Variants in CHST11 observed in about 807,000 individuals in gnomAD.
The protein encoded by CHST11 is carbohydrate sulfotransferase 11.
A neutral mutation model predicts 30.4 loss-of-function variants in CHST11; 9 were observed. That is an observed-to-expected ratio of 0.30 (90% CI 0.18 to 0.52). CHST11 has a LOEUF of 0.52. Among genes scored for constraint, CHST11 ranks in the 20% least tolerant of loss-of-function variants. CHST11 has a pLI of 0.97. For missense variants in CHST11, 348 were observed against 460.6 expected (o/e 0.76, Z 2.24); for synonymous variants, 152 against 187.8 (o/e 0.81, Z 1.56).
chr12:104,704,730 TGGCCTTTGGAGGCCTCAGAACCCC>T (rs757024789), intron 2 of CHST11, among the ~76,000 whole-genome samples: 129 of 152,214 alleles, frequency 8.5e-4, no homozygotes, highest in Non-Finnish European at 1.5e-3. Flanking sequence ...CCCAGAACCC[TGGCCTTTGGAGGCCTCAGAACCCC>T]GGCCTTTGGA....
rs199741884 is a variant in CHST11, at chr12:104,544,769, T to TC, written c.119-57131dup. ...CAATGATGTGCCCTGGGGGTCACAGTCCCCCCACCCCGGAGATAATGGATT... is the reference window on the plus strand; with the variant it reads ...CAATGATGTGCCCTGGGGGTCACAGTCCCCCCCACCCCGGAGATAATGGATT... On this transcript the variant is annotated intron_variant, in intron 1 of 2. Coordinates refer to ENST00000303694, the MANE Select transcript of CHST11 (RefSeq NM_018413.6). Among the ~76,000 whole-genome samples the TC allele has an allele frequency of 5.4e-4, 28 of 51,474 alleles. 8 individuals are homozygous for TC. Among genetic ancestry groups the TC allele is most frequent in the South Asian group, 4.4e-3 (3 of 676 alleles). The allele number at this position is 51,474 out of a possible 152,430, so 33.8% of individuals were successfully genotyped here. A position where few individuals can be genotyped will look rare whatever the true frequency, so the allele number is the denominator to read the frequency against.
chr12:104,476,289 A>G (rs1267857703), intron 1 of CHST11, among the ~76,000 whole-genome samples: 1 of 150,586 alleles, frequency 6.6e-6, no homozygotes, highest in Non-Finnish European at 1.5e-5. Context: ...TAGTATATAC[A>G]CATATGTGAA....
At chr12:104,756,386 C>T (rs1417157696) in intron 2 of CHST11, among the ~76,000 whole-genome samples, 1 of 152,206 alleles carries the variant, frequency 6.6e-6, no homozygotes, top group Non-Finnish European at 1.5e-5. Context: ...GGAACACACA[C>T]ATCTTCCCAA....
At chr12:104,709,330 G>A (rs1592851459) in intron 2 of CHST11, among the ~76,000 whole-genome samples, 1 of 152,192 alleles carries the variant, frequency 6.6e-6, no homozygotes, top group African/African-American at 2.4e-5. Context: ...AGTACATGAG[G>A]CTCTGATAGG....
intron 2 of CHST11, among the ~76,000 whole-genome samples, chr12:104,625,976 A>T (rs2136063912): frequency 6.6e-6 from 1 of 152,326 alleles, no homozygotes; most frequent in East Asian, 1.9e-4. Flanking sequence ...AGGTACCTGG[A>T]GGTGATCCAG....
intron 1 of CHST11, among the ~76,000 whole-genome samples, chr12:104,597,444 G>A (rs1289722534): frequency 1.3e-5 from 2 of 152,050 alleles, no homozygotes; most frequent in Admixed American, 6.5e-5. Flanking sequence ...CTTTTGCGGG[G>A]CTTTTGATCA....
intron 1 of CHST11, among the ~76,000 whole-genome samples, chr12:104,553,679 G>C (rs558655273): frequency 7.9e-5 from 12 of 152,048 alleles, no homozygotes; most frequent in Non-Finnish European, 1.3e-4. Flanking sequence ...ACAGCATGGG[G>C]GGAAATCTGC....
At chr12:104,718,350 A>G (rs1339431104) in intron 2 of CHST11, among the ~76,000 whole-genome samples, 7 of 152,100 alleles carry the variant, frequency 4.6e-5, no homozygotes, top group African/African-American at 9.7e-5. Context: ...CTACTTCTCT[A>G]CCATTCACGC....
intron 2 of CHST11, among the ~76,000 whole-genome samples, chr12:104,658,330 G>C (rs1480644330): frequency 6.6e-6 from 1 of 152,212 alleles, no homozygotes; most frequent in Non-Finnish European, 1.5e-5. Context: ...TGTCTCCTTG[G>C]CTGGTAGATG....
At position 104,524,926 on chromosome 12, in the gene CHST11, A is replaced by G. The variant is rs2038109595; in HGVS notation, c.118+67397A>G. Among the ~76,000 whole-genome samples the G allele has an allele frequency of 2.0e-5, 3 of 152,196 alleles. No homozygotes were observed. The South Asian group carries it at 6.2e-4, about 32-fold the overall frequency. ...AGCATGCAACCATTGTAACACTTTCATTTGTTTTTATAAACTCAAGTTCTA... is the reference window on the plus strand; with the variant it reads ...AGCATGCAACCATTGTAACACTTTCGTTTGTTTTTATAAACTCAAGTTCTA... On this transcript the variant is annotated intron_variant, in intron 1 of 2. Coordinates refer to ENST00000303694, the MANE Select transcript of CHST11 (RefSeq NM_018413.6).
chr12:104,754,523 C>T lies in CHST11; in HGVS notation c.205-2426C>T, dbSNP rs141458953. ...CTGTCTCAGGGCAGCGTTCCAACAGCGTGAAGGCTAGGAACTGCAGGGCTT... is the reference window on the plus strand; with the variant it reads ...CTGTCTCAGGGCAGCGTTCCAACAGTGTGAAGGCTAGGAACTGCAGGGCTT... On this transcript the variant is annotated intron_variant, in intron 2 of 2. Coordinates refer to ENST00000303694, the MANE Select transcript of CHST11 (RefSeq NM_018413.6). Among the ~76,000 whole-genome samples the T allele has an allele frequency of 3.2e-3, 492 of 152,292 alleles. 5 individuals carry two copies. The highest frequency in any genetic ancestry group is 0.011 in the African/African-American group (469 of 41,552).
intron 2 of CHST11, among the ~76,000 whole-genome samples, chr12:104,675,492 C>T (rs1455974078): frequency 6.6e-6 from 1 of 152,140 alleles, no homozygotes; most frequent in East Asian, 1.9e-4. Flanking sequence ...TTACTATCTC[C>T]TGTTCACAGG....
At chr12:104,698,231 T>C (rs987518401) in intron 2 of CHST11, among the ~76,000 whole-genome samples, 15 of 152,120 alleles carry the variant, frequency 9.9e-5, no homozygotes, top group African/African-American at 3.4e-4. Flanking sequence ...CATCAAGGCA[T>C]TTCATCATCC....
chr12:104,584,585 T>C (rs764438786), intron 1 of CHST11, among the ~76,000 whole-genome samples: 4 of 152,218 alleles, frequency 2.6e-5, no homozygotes, highest in Non-Finnish European at 4.4e-5. Context: ...CTGTCTTTTA[T>C]ATGTGTATGT....
chr12:104,461,860 C>T (rs902331364), intron 1 of CHST11, among the ~76,000 whole-genome samples: 10 of 151,948 alleles, frequency 6.6e-5, no homozygotes, highest in Admixed American at 5.2e-4. Flanking sequence ...AACATGTGCT[C>T]ATTTTAGAAA....
At chr12:104,472,800 T>TGTGGTGGTGGTGGTGGTGGTTGTG (rs370789162) in intron 1 of CHST11, among the ~76,000 whole-genome samples, 1 of 151,702 alleles carries the variant, frequency 6.6e-6, no homozygotes, top group African/African-American at 2.4e-5. Flanking sequence ...TGGTGGTGGT[T>TGTGGTGGTGGTGGTGGTGGTTGTG]GTGGTGGTGG....
At chr12:104,514,609 C>G (rs1221009862) in intron 1 of CHST11, among the ~76,000 whole-genome samples, 1 of 152,166 alleles carries the variant, frequency 6.6e-6, no homozygotes. Flanking sequence ...TCAGTGTCTG[C>G]TCTTGGTGAG....
intron 1 of CHST11, among the ~76,000 whole-genome samples, chr12:104,507,766 T>C (rs2037920707): frequency 6.6e-6 from 1 of 152,184 alleles, no homozygotes; most frequent in Non-Finnish European, 1.5e-5. Context: ...AGGCAAATTC[T>C]CATGGATCTG....
intron 1 of CHST11, among the ~76,000 whole-genome samples, chr12:104,465,174 T>C (rs1438348531): frequency 2.0e-5 from 3 of 152,184 alleles, no homozygotes; most frequent in Non-Finnish European, 4.4e-5. Context: ...AAAATGGCAT[T>C]CCTCCAAGAT....
Sources: gnomAD v4.1 joint callset for allele counts (sites outside exome capture counted in the v4.1 genomes callset) on GRCh38, gnomAD v4.1.1 for gene constraint, MANE v1.5 for transcripts, NCBI Gene and HGNC (gene_info 2026-07-23, HGNC 2026-07-21) for gene names.